The following ANTXR1 variants were observed in gnomAD, a reference collection of about 807,000 sequenced individuals.
The protein encoded by ANTXR1 is ANTXR cell adhesion molecule 1, also known as anthrax toxin receptor 1.
In ANTXR1, 19 loss-of-function variants were observed where a neutral mutation model predicts 78.1. That is an observed-to-expected ratio of 0.24 (90% confidence interval 0.17 to 0.36). The LOEUF is 0.36. ANTXR1 is among the 10% of genes least tolerant of loss of function. The pLI, the probability that ANTXR1 is intolerant of heterozygous loss-of-function variation, is 1.00. For synonymous variants in ANTXR1, 273 were observed against 260.5 expected (o/e 1.05, Z -0.46); for missense variants, 518 against 718.6 (o/e 0.72, Z 3.19).
At chr2:69,150,480 A>AT (rs1433198317) in intron 12 of ANTXR1, among the ~76,000 whole-genome samples, 1 of 152,158 alleles carries the variant, frequency 6.6e-6, no homozygotes, top group Non-Finnish European at 1.5e-5. Flanking sequence ...CCAGATACAG[A>AT]TTTTTTTAAA....
intron 17 of ANTXR1, 70 bp downstream of exon 17, chr2:69,193,485 A>ACG: frequency 1.5e-6 from 2 of 1,306,034 alleles, no homozygotes; most frequent in Non-Finnish European, 2.2e-6. Flanking sequence ...ACACACACAC[A>ACG]CACACATATT....
At chr2:69,173,923 C>G (rs1358097427) in intron 14 of ANTXR1, among the ~76,000 whole-genome samples, 2 of 152,218 alleles carry the variant, frequency 1.3e-5, no homozygotes, top group African/African-American at 2.4e-5. Context: ...CCATTTTCTT[C>G]CTTAATCACA....
chr2:69,202,841 A>G (rs1674808454), intron 17 of ANTXR1, among the ~76,000 whole-genome samples: 1 of 152,178 alleles, frequency 6.6e-6, no homozygotes, highest in South Asian at 2.1e-4. Flanking sequence ...TCCAGAGTGA[A>G]TGTCTCAGGA....
intron 3 of ANTXR1, among the ~76,000 whole-genome samples, chr2:69,066,883 T>C (rs1432789929): frequency 1.3e-5 from 2 of 152,184 alleles, no homozygotes; most frequent in African/African-American, 4.8e-5. Flanking sequence ...GGCTCTGTAA[T>C]AGCAGCCTCT....
intron 17 of ANTXR1, among the ~76,000 whole-genome samples, chr2:69,234,703 C>T (rs1454147032): frequency 6.6e-6 from 1 of 152,146 alleles, no homozygotes; most frequent in Non-Finnish European, 1.5e-5. Flanking sequence ...ACAGAGATTA[C>T]AGTGAGCTGA....
intron 14 of ANTXR1, among the ~76,000 whole-genome samples, chr2:69,171,121 C>T (rs7579886): frequency 1.1e-4 from 16 of 152,296 alleles, no homozygotes; most frequent in African/African-American, 3.6e-4. Flanking sequence ...CAATCCCTAA[C>T]GTCTGTTGTG....
chr2:69,241,155 G>A (rs73937218), intron 17 of ANTXR1, among the ~76,000 whole-genome samples: 2,694 of 152,270 alleles, frequency 0.018, 113 homozygotes, highest in African/African-American at 0.062. Context: ...CAATACTGTG[G>A]AAAATAAAAC....
intron 8 of ANTXR1, among the ~76,000 whole-genome samples, chr2:69,085,954 A>G (rs1044818983): frequency 6.6e-6 from 1 of 152,228 alleles, no homozygotes. Flanking sequence ...ACACCAGCAT[A>G]CTTCAAACCC....
intron 17 of ANTXR1, among the ~76,000 whole-genome samples, chr2:69,217,673 G>A (rs1573984167): frequency 6.6e-6 from 1 of 152,054 alleles, no homozygotes; most frequent in Non-Finnish European, 1.5e-5. Flanking sequence ...ATTATTAAAA[G>A]AAAATACCCT....
intron 3 of ANTXR1, among the ~76,000 whole-genome samples, chr2:69,062,515 A>G (rs544930312): frequency 6.6e-6 from 1 of 152,330 alleles, no homozygotes; most frequent in Admixed American, 6.5e-5. Flanking sequence ...CAAAAGGTGC[A>G]GCCCAGCCCA....
chr2:69,123,403 C>T (rs1672418319), intron 11 of ANTXR1, among the ~76,000 whole-genome samples: 1 of 152,186 alleles, frequency 6.6e-6, no homozygotes, highest in South Asian at 2.1e-4. Context: ...GGGCTCAATC[C>T]AAGGTCTGTC....
intron 12 of ANTXR1, among the ~76,000 whole-genome samples, chr2:69,129,679 A>C (rs899154906): frequency 2.0e-5 from 3 of 151,952 alleles, no homozygotes; most frequent in Non-Finnish European, 4.4e-5. Flanking sequence ...TGAACCTGGG[A>C]GGCAGAGGTT....
At chr2:69,135,339 C>T (rs569519707) in intron 12 of ANTXR1, among the ~76,000 whole-genome samples, 28 of 151,970 alleles carry the variant, frequency 1.8e-4, no homozygotes, top group Non-Finnish European at 3.2e-4. Context: ...CTTTAGAAAA[C>T]ACTGAGATAA....
intron 3 of ANTXR1, among the ~76,000 whole-genome samples, chr2:69,065,019 G>A (rs552395015): frequency 6.6e-5 from 10 of 151,892 alleles, no homozygotes; most frequent in Admixed American, 3.3e-4. Context: ...AATAACAAGT[G>A]AATCAATAAA....
chr2:69,026,896 G>A (rs1671361640), intron 1 of ANTXR1, among the ~76,000 whole-genome samples: 1 of 152,138 alleles, frequency 6.6e-6, no homozygotes, highest in African/African-American at 2.4e-5. Context: ...CGCTGCATCG[G>A]GTCCAGAGAC....
At chr2:69,117,960 C>T (rs1672206395) in intron 10 of ANTXR1, among the ~76,000 whole-genome samples, 1 of 152,204 alleles carries the variant, frequency 6.6e-6, no homozygotes, top group Non-Finnish European at 1.5e-5. Context: ...TAATGATACT[C>T]ATTGGCCCCC....
intron 10 of ANTXR1, among the ~76,000 whole-genome samples, chr2:69,105,682 C>T (rs907558909): frequency 1.1e-4 from 17 of 152,212 alleles, no homozygotes; most frequent in African/African-American, 4.1e-4. Flanking sequence ...CATTTTCCTT[C>T]CCCACCTCTA....
At position 69,182,637 on chromosome 2, in the gene ANTXR1, C is replaced by A. The variant is rs145678662; in HGVS notation, c.1330C>A (p.Arg444=). 38 of 1,614,142 alleles carry A rather than the reference C, an allele frequency of 2.4e-5. No homozygotes were observed. The African/African-American group carries it at 4.0e-4, about 17-fold the overall frequency. Residue 444 remains arginine, a synonymous_variant, in exon 16 of 18, where the codon CGG becomes AGG. Transcript: ENST00000303714. ...CAATATGCGTCGGCCTTCTTCCCCCCGGAAGTGGTACTCTCCAATCAAGGT... is the reference window on the plus strand; with the variant it reads ...CAATATGCGTCGGCCTTCTTCCCCCAGGAAGTGGTACTCTCCAATCAAGGT... The part of the protein sequence containing the change: ...NNNMRRPSSP[R]KWYSPIKGKL...
chr2:69,080,422 C>G (rs1670867904), intron 8 of ANTXR1, among the ~76,000 whole-genome samples: 1 of 152,156 alleles, frequency 6.6e-6, no homozygotes, highest in South Asian at 2.1e-4. Flanking sequence ...GCTTAATTAT[C>G]CAAAATAAGA....
Sources: allele counts gnomAD v4.1 joint callset (sites outside exome capture counted in the v4.1 genomes callset), GRCh38; gene constraint gnomAD v4.1.1; transcripts MANE v1.5; gene names NCBI Gene and HGNC (gene_info 2026-07-23, HGNC 2026-07-21).